AUTS2: variants seen among roughly 807,000 people sequenced by gnomAD.
AUTS2 encodes activator of transcription and developmental regulator AUTS2.
A neutral mutation model predicts 112.4 loss-of-function variants in AUTS2; 17 were observed. That is an observed-to-expected ratio of 0.15 (90% CI 0.10 to 0.23). The LOEUF (loss-of-function observed/expected upper bound fraction) is 0.23, where lower values mean the gene tolerates loss of function less well. AUTS2 is among the 10% of genes least tolerant of loss of function. The pLI is 1.00. For synonymous variants in AUTS2, 751 were observed against 702.7 expected, an observed-to-expected ratio of 1.07 and a Z score of -1.09; for missense variants, 1,510 against 1,701.6, an observed-to-expected ratio of 0.89 and a Z score of 1.98.
chr7:69,965,069 T>TCTCGG (rs1432849121), intron 2 of AUTS2, among the ~76,000 whole-genome samples: 2 of 152,068 alleles, frequency 1.3e-5, no homozygotes, highest in African/African-American at 4.8e-5. Context: ...AAGAATCACA[T>TCTCGG]CTCTATCTGT....
At chr7:69,841,443 C>T (rs904713616) in intron 1 of AUTS2, among the ~76,000 whole-genome samples, 10 of 152,150 alleles carry the variant, frequency 6.6e-5, no homozygotes, top group African/African-American at 2.2e-4. Context: ...GATCCACTCT[C>T]ATGATCCAAA....
At chr7:69,765,713 G>A (rs1788390455) in intron 1 of AUTS2, among the ~76,000 whole-genome samples, 2 of 152,174 alleles carry the variant, frequency 1.3e-5, no homozygotes, top group African/African-American at 4.8e-5. Context: ...TCCGAAGCGG[G>A]AGGATTGCTT....
intron 5 of AUTS2, among the ~76,000 whole-genome samples, chr7:70,542,163 G>A (rs1800577734): frequency 6.6e-6 from 1 of 151,936 alleles, no homozygotes; most frequent in Non-Finnish European, 1.5e-5. Context: ...CATTGCTCAA[G>A]TTTACCAATC....
rs148645351 is a variant in AUTS2 at position 69,747,390 on chromosome 7, CATGG to C, written c.309+147429_309+147432del. Among the ~76,000 whole-genome samples the C allele has an allele frequency of 2.0e-3, 298 of 152,292 alleles. 8 individuals carry two copies. The East Asian group carries it at 0.052, about 26-fold the overall frequency. ...ATGGCATATACAGTGATTCCTCACA[CATGG>C]TGTTAATAAGTTCTTAGTAAATGCT... On this transcript the variant is annotated intron_variant, in intron 1 of 18. Coordinates refer to ENST00000342771, the MANE Select transcript of AUTS2 (RefSeq NM_015570.4).
rs539526041 is a variant in AUTS2 at position 69,890,882 on chromosome 7, A to G, written c.310-8404A>G. On this transcript the variant is annotated intron_variant, in intron 1 of 18. Transcript: ENST00000342771. The stretch of plus-strand genomic sequence containing the variant: ...CTTGGTTTTAGGATTCTAAAAGATG[A>G]GTTTCTTTTAATGAAAACTGAATGT... Among the ~76,000 whole-genome samples, 6 of 152,304 alleles carry G rather than the reference A, an allele frequency of 3.9e-5. No homozygotes were observed. In the South Asian group the frequency reaches 1.0e-3, roughly 26 times the overall value.
intron 1 of AUTS2, among the ~76,000 whole-genome samples, chr7:69,841,368 C>T (rs116469571): frequency 7.8e-4 from 118 of 152,152 alleles, no homozygotes; most frequent in African/African-American, 2.6e-3. Context: ...GGAGGTGCCA[C>T]ATACTTTTAA....
At chr7:69,979,347 C>CT (rs1437369696) in intron 2 of AUTS2, among the ~76,000 whole-genome samples, 2 of 152,138 alleles carry the variant, frequency 1.3e-5, no homozygotes, top group African/African-American at 4.8e-5. Context: ...CTATCCTGTA[C>CT]TTTTTTCATC....
chr7:69,826,235 A>C (rs1791237903), intron 1 of AUTS2, among the ~76,000 whole-genome samples: 2 of 152,214 alleles, frequency 1.3e-5, no homozygotes, highest in Admixed American at 6.5e-5. Flanking sequence ...GTTATTTTAT[A>C]GTTTTCCTGT....
intron 5 of AUTS2, among the ~76,000 whole-genome samples, chr7:70,496,630 C>G (rs370637845): frequency 5.0e-5 from 7 of 140,800 alleles, no homozygotes; most frequent in South Asian, 2.4e-4. Flanking sequence ...TACACAGGCA[C>G]ACACACACAC....
At chr7:69,609,809 A>G (rs942083951) in intron 1 of AUTS2, among the ~76,000 whole-genome samples, 1 of 152,260 alleles carries the variant, frequency 6.6e-6, no homozygotes, top group African/African-American at 2.4e-5. Context: ...CAGAACATTT[A>G]TAACAACTGT....
intron 5 of AUTS2, among the ~76,000 whole-genome samples, chr7:70,621,221 C>G (rs1373718254): frequency 1.3e-5 from 2 of 152,218 alleles, no homozygotes; most frequent in Non-Finnish European, 2.9e-5. Context: ...AGTGGGGGCA[C>G]ACATTCCAGG....
rs149089661 is a variant in AUTS2 at position 70,035,479 on chromosome 7, G to A, written c.523-82653G>A. On this transcript the variant is annotated intron_variant, in intron 2 of 18. Coordinates refer to ENST00000342771, the MANE Select transcript of AUTS2 (RefSeq NM_015570.4). ...TCTGAGGCATTGCTGTTTTTATCAC[G>A]TTTGATTTGTTTTCTTTTTGTCTAG... Among the ~76,000 whole-genome samples the A allele has an allele frequency of 3.4e-4, 52 of 152,230 alleles. 2 individuals carry two copies. Among genetic ancestry groups the A allele is most frequent in the African/African-American group, 1.2e-3 (49 of 41,530 alleles).
At chr7:69,741,814 T>A (rs192969939) in intron 1 of AUTS2, among the ~76,000 whole-genome samples, 149 of 152,138 alleles carry the variant, frequency 9.8e-4, no homozygotes, top group African/African-American at 3.1e-3. Context: ...TTTGCCTTTT[T>A]TTTTTTTGAG....
rs185993858 is a variant in AUTS2, at chr7:70,712,955, C to G, written c.742+14335C>G. 7.9e-5 allele frequency among the ~76,000 whole-genome samples: 12 copies of G among 152,334 alleles called. No homozygotes were observed. The East Asian group carries it at 1.7e-3, about 22-fold the overall frequency. On this transcript the variant is annotated intron_variant, in intron 6 of 18. Coordinates refer to ENST00000342771, the MANE Select transcript of AUTS2 (RefSeq NM_015570.4). ...AAATATCAACTTCACCTGATCTGTTCAAAGTGCCCCTGCACCTACCATTTC... is the reference window on the plus strand; with the variant it reads ...AAATATCAACTTCACCTGATCTGTTGAAAGTGCCCCTGCACCTACCATTTC...
At chr7:70,686,270 G>C (rs1179443008) in intron 5 of AUTS2, among the ~76,000 whole-genome samples, 1 of 152,166 alleles carries the variant, frequency 6.6e-6, no homozygotes, top group Non-Finnish European at 1.5e-5. Flanking sequence ...TGTTCCAAGT[G>C]CTTTACATAC....
chr7:70,703,289 G>A (rs1044199093), intron 6 of AUTS2, among the ~76,000 whole-genome samples: 8 of 152,072 alleles, frequency 5.3e-5, no homozygotes, highest in African/African-American at 1.9e-4. Flanking sequence ...GAGCTCAGGA[G>A]CTCAAAACCA....
intron 5 of AUTS2, among the ~76,000 whole-genome samples, chr7:70,643,546 G>C (rs1329384265): frequency 6.6e-6 from 1 of 152,106 alleles, no homozygotes; most frequent in Non-Finnish European, 1.5e-5. Flanking sequence ...ACTCCAGTCT[G>C]GCAACAGAGC....
At chr7:70,060,281 A>T (rs1348859948) in intron 2 of AUTS2, among the ~76,000 whole-genome samples, 1 of 152,246 alleles carries the variant, frequency 6.6e-6, no homozygotes, top group Admixed American at 6.5e-5. Context: ...AAAGAGAAGA[A>T]CATTGTATAA....
At chr7:70,572,263 G>A (rs1316188730) in intron 5 of AUTS2, among the ~76,000 whole-genome samples, 5 of 152,106 alleles carry the variant, frequency 3.3e-5, no homozygotes, top group African/African-American at 9.7e-5. Flanking sequence ...AGGTGGGAGG[G>A]AGGTGGAGGA....
Sources: allele counts gnomAD v4.1 joint callset (sites outside exome capture counted in the v4.1 genomes callset), GRCh38; gene constraint gnomAD v4.1.1; transcripts MANE v1.5; gene names NCBI Gene and HGNC (gene_info 2026-07-23, HGNC 2026-07-21).